Variants in BTBD9 observed in about 807,000 individuals in gnomAD.
BTBD9 encodes the protein BTB domain containing 9, also known as BTB/POZ domain-containing protein 9.
BTBD9 carries 49 observed loss-of-function variants against 64.3 expected under a neutral mutation model. The observed-to-expected ratio is 0.76, with a 90% confidence interval of 0.61 to 0.97. BTBD9 has a LOEUF of 0.97. Among genes scored for constraint, BTBD9 ranks in the 50% least tolerant of loss-of-function variants. The pLI is 0.00. For synonymous variants in BTBD9, 260 were observed against 274.7 expected, an observed-to-expected ratio of 0.95 and a Z score of 0.53; for missense variants, 598 against 762.1, an observed-to-expected ratio of 0.78 and a Z score of 2.53.
At chr6:38,179,421 G>A (rs1351647393) in intron 10 of BTBD9, 2 of 456,716 alleles carry the variant, frequency 4.4e-6, no homozygotes, top group Non-Finnish European at 8.8e-6. Flanking sequence ...GGAAGGGACG[G>A]GGGCGGGCAT....
intron 10 of BTBD9, among the ~76,000 whole-genome samples, chr6:38,182,907 C>A (rs1761626587): frequency 8.8e-6 from 1 of 114,208 alleles, no homozygotes; most frequent in Admixed American, 8.5e-5. Context: ...TGTTGTCCTG[C>A]TTTTCCTCTC....
chr6:38,604,446 T>C (rs1223930668), intron 1 of BTBD9, among the ~76,000 whole-genome samples: 4 of 152,242 alleles, frequency 2.6e-5, no homozygotes, highest in African/African-American at 7.2e-5. Flanking sequence ...TGAATATGTA[T>C]ATGATTCATT....
chr6:38,636,064 A>G (rs1186751095), intron 1 of BTBD9, among the ~76,000 whole-genome samples: 5 of 152,202 alleles, frequency 3.3e-5, no homozygotes, highest in African/African-American at 1.2e-4. Flanking sequence ...AGCATCTATA[A>G]GACAGGCATT....
rs1015740823 is a variant in BTBD9 at position 38,171,092 on chromosome 6, A to G, written c.*3893T>C. The G allele has an allele frequency of 9.2e-5, 14 of 152,220 alleles. No individual in the cohort carries two copies. The highest frequency in any genetic ancestry group is 9.2e-4 in the Admixed American group (14 of 15,286). The allele number at this position is 152,220 out of a possible 1,614,324, so 9.4% of individuals were successfully genotyped here. ...GGAGCGCTCCATCTCTTTATCACCAAGTGGCCTCAGTACACAGAACGCTCG... is the reference window on the plus strand; with the variant it reads ...GGAGCGCTCCATCTCTTTATCACCAGGTGGCCTCAGTACACAGAACGCTCG... On this transcript the variant is annotated 3_prime_UTR_variant, in exon 11 of 11. Transcript: ENST00000481247.
intron 6 of BTBD9, among the ~76,000 whole-genome samples, chr6:38,384,008 C>T (rs965161785): frequency 6.6e-6 from 1 of 151,962 alleles, no homozygotes; most frequent in East Asian, 1.9e-4. Context: ...CTCAGTCATA[C>T]ATTATCTTCC....
At chr6:38,286,743 C>T (rs907100694) in intron 8 of BTBD9, among the ~76,000 whole-genome samples, 2 of 152,072 alleles carry the variant, frequency 1.3e-5, no homozygotes, top group African/African-American at 4.8e-5. Context: ...AAATGCTTAT[C>T]GCCTAGTGAT....
In BTBD9 at chr6:38,171,842, C is replaced by T. The variant is rs1452897178; in HGVS notation, c.*3143G>A. Reference sequence around the variant, plus strand: ...AAGCTCCAATGAAGTTGCCTTTCTACTCTCAAAAAAAAAAAAAAAAAAAAA... The same window carrying T: ...AAGCTCCAATGAAGTTGCCTTTCTATTCTCAAAAAAAAAAAAAAAAAAAAA... On this transcript the variant is annotated 3_prime_UTR_variant, in exon 11 of 11. Transcript: ENST00000481247. 5.0e-5 allele frequency: 3 copies of T among 60,076 alleles called. No individual in the cohort carries two copies. The highest frequency in any genetic ancestry group is 5.7e-4 in the East Asian group (1 of 1,740). The allele number at this position is 60,076 out of a possible 1,614,324, so 3.7% of individuals were successfully genotyped here.
chr6:38,448,177 C>A (rs977369010), intron 6 of BTBD9, among the ~76,000 whole-genome samples: 1 of 152,182 alleles, frequency 6.6e-6, no homozygotes, highest in South Asian at 2.1e-4. Flanking sequence ...AAATTCTCCA[C>A]AATAGTGTAT....
At chr6:38,561,419 T>C (rs771830200) in intron 6 of BTBD9, among the ~76,000 whole-genome samples, 1 of 152,152 alleles carries the variant, frequency 6.6e-6, no homozygotes, top group Non-Finnish European at 1.5e-5. Flanking sequence ...AGAACTACCA[T>C]TCAATCCAGG....
chr6:38,404,805 A>T (rs541316599), intron 6 of BTBD9, among the ~76,000 whole-genome samples: 65 of 152,318 alleles, frequency 4.3e-4, no homozygotes, highest in African/African-American at 1.3e-3. Context: ...CACTCCAGGT[A>T]AAAAGGTAGA....
intron 6 of BTBD9, among the ~76,000 whole-genome samples, chr6:38,449,038 G>C (rs940527374): frequency 2.0e-5 from 3 of 152,174 alleles, no homozygotes; most frequent in African/African-American, 7.2e-5. Flanking sequence ...AATGCACTCA[G>C]AGGCAAGTGT....
intron 7 of BTBD9, among the ~76,000 whole-genome samples, chr6:38,322,726 ATTGT>A (rs1763283835): frequency 6.6e-6 from 1 of 152,212 alleles, no homozygotes; most frequent in African/African-American, 2.4e-5. Flanking sequence ...CAGGCAGTTA[ATTGT>A]TTATTATACA....
intron 7 of BTBD9, among the ~76,000 whole-genome samples, chr6:38,340,590 C>A (rs1764060364): frequency 6.6e-6 from 1 of 152,114 alleles, no homozygotes. Flanking sequence ...CCTTTGTCAC[C>A]CTTGAAGGAT....
chr6:38,308,872 C>G (rs1170682264), intron 7 of BTBD9, among the ~76,000 whole-genome samples: 1 of 151,908 alleles, frequency 6.6e-6, no homozygotes, highest in East Asian at 1.9e-4. Flanking sequence ...TTTCTCTTGC[C>G]TCAGCCCCCC....
intron 10 of BTBD9, among the ~76,000 whole-genome samples, chr6:38,176,879 A>G (rs1366342013): frequency 6.6e-6 from 1 of 152,196 alleles, no homozygotes; most frequent in Admixed American, 6.5e-5. Flanking sequence ...TTCCACACCC[A>G]GGGATAGGTG....
At chr6:38,544,147 C>A (rs951443830) in intron 6 of BTBD9, among the ~76,000 whole-genome samples, 2 of 152,068 alleles carry the variant, frequency 1.3e-5, no homozygotes, top group African/African-American at 4.8e-5. Flanking sequence ...AACTTAAAAA[C>A]CATTACAGTA....
chr6:38,621,271 G>C (rs1172278622), intron 1 of BTBD9, among the ~76,000 whole-genome samples: 4 of 152,168 alleles, frequency 2.6e-5, no homozygotes, highest in African/African-American at 9.7e-5. Context: ...ACTCCTTGAG[G>C]GACCAGTGCT....
intron 6 of BTBD9, among the ~76,000 whole-genome samples, chr6:38,433,563 C>T (rs1768550877): frequency 6.6e-6 from 1 of 151,798 alleles, no homozygotes; most frequent in African/African-American, 2.4e-5. Flanking sequence ...GAAAAACCCC[C>T]TTTGACTGTA....
chr6:38,612,861 C>T (rs1777657124), intron 1 of BTBD9: 1 of 152,068 alleles, frequency 6.6e-6, no homozygotes, highest in South Asian at 2.1e-4. Flanking sequence ...GCCTTATCTG[C>T]TGATTTTCAG....
Sources: allele counts gnomAD v4.1 joint callset (sites outside exome capture counted in the v4.1 genomes callset), GRCh38; gene constraint gnomAD v4.1.1; transcripts MANE v1.5; gene names NCBI Gene and HGNC (gene_info 2026-07-23, HGNC 2026-07-21).